Variants in SORCS3 observed in about 807,000 individuals in gnomAD.
The protein encoded by SORCS3 is sortilin related VPS10 domain containing receptor 3.
In SORCS3, 57 loss-of-function variants were observed where a neutral mutation model predicts 146.3. The ratio of observed to expected loss-of-function variants is 0.39; its 90% CI spans 0.31 to 0.49. SORCS3 has a LOEUF of 0.49. Ranked by LOEUF, SORCS3 falls within the 20% of genes least tolerant of loss-of-function variation. The pLI is 0.92. For missense variants in SORCS3, 1,341 were observed against 1,575.5 expected (o/e 0.85, Z 2.52); for synonymous variants, 653 against 618.5 (o/e 1.06, Z -0.83).
At chr10:104,806,483 G>A (rs1178455006) in intron 1 of SORCS3, among the ~76,000 whole-genome samples, 1 of 152,224 alleles carries the variant, frequency 6.6e-6, no homozygotes, top group Non-Finnish European at 1.5e-5. Flanking sequence ...AACGTTGCAA[G>A]ATGTACCCAA....
chr10:104,758,309 C>A (rs1194390658), intron 1 of SORCS3, among the ~76,000 whole-genome samples: 2 of 152,140 alleles, frequency 1.3e-5, no homozygotes, highest in Non-Finnish European at 1.5e-5. Flanking sequence ...CAGATTCATT[C>A]CTGGACTTTA....
intron 4 of SORCS3, among the ~76,000 whole-genome samples, chr10:105,025,782 A>G (rs973419518): frequency 1.3e-5 from 2 of 151,404 alleles, no homozygotes; most frequent in Non-Finnish European, 2.9e-5. Flanking sequence ...TAGACAATTT[A>G]TAAGTATTGG....
chr10:104,846,294 C>T (rs371676956), intron 2 of SORCS3, among the ~76,000 whole-genome samples: 1 of 152,138 alleles, frequency 6.6e-6, no homozygotes, highest in Admixed American at 6.5e-5. Context: ...CTGTATCTCC[C>T]GTTCTCTTTT....
At chr10:105,084,166 T>C (rs1311276934) in intron 5 of SORCS3, among the ~76,000 whole-genome samples, 1 of 152,204 alleles carries the variant, frequency 6.6e-6, no homozygotes, top group Non-Finnish European at 1.5e-5. Context: ...TAACACATAG[T>C]GTACTCTCAA....
intron 4 of SORCS3, among the ~76,000 whole-genome samples, chr10:104,990,834 C>G (rs983243925): frequency 6.6e-5 from 10 of 152,132 alleles, no homozygotes; most frequent in African/African-American, 2.2e-4. Context: ...CCCCTGGAGC[C>G]TCCAGAAGGA....
intron 1 of SORCS3, among the ~76,000 whole-genome samples, chr10:104,764,605 C>T (rs964117024): frequency 2.0e-5 from 3 of 152,156 alleles, no homozygotes; most frequent in African/African-American, 7.2e-5. Flanking sequence ...ATTTGTAAAT[C>T]ATAAAGTATT....
intron 2 of SORCS3, among the ~76,000 whole-genome samples, chr10:104,909,882 G>T (rs1446875941): frequency 6.6e-6 from 1 of 151,498 alleles, no homozygotes; most frequent in Non-Finnish European, 1.5e-5. Context: ...TTGCTGGGTA[G>T]GTAAAAAGCA....
intron 8 of SORCS3, among the ~76,000 whole-genome samples, chr10:105,146,854 A>G (rs1017415071): frequency 1.2e-4 from 19 of 152,132 alleles, no homozygotes; most frequent in African/African-American, 4.1e-4. Context: ...ATAGTCCCCA[A>G]AGAAATCCAA....
chr10:104,833,615 G>A (rs920046383), intron 1 of SORCS3, among the ~76,000 whole-genome samples: 1 of 152,080 alleles, frequency 6.6e-6, no homozygotes, highest in Non-Finnish European at 1.5e-5. Flanking sequence ...AATTTCGAGA[G>A]GTCCAAACAA....
At chr10:104,803,142 G>A (rs1267915539) in intron 1 of SORCS3, among the ~76,000 whole-genome samples, 1 of 152,144 alleles carries the variant, frequency 6.6e-6, no homozygotes, top group Non-Finnish European at 1.5e-5. Flanking sequence ...AATTGCATGT[G>A]TCACTTTCAC....
At chr10:104,871,057 A>G (rs577771060) in intron 2 of SORCS3, among the ~76,000 whole-genome samples, 2 of 152,310 alleles carry the variant, frequency 1.3e-5, no homozygotes, top group Admixed American at 6.5e-5. Context: ...GCTTCAGGAT[A>G]CGAGTAGTTG....
intron 4 of SORCS3, among the ~76,000 whole-genome samples, chr10:104,978,530 CA>C (rs2054915399): frequency 6.6e-6 from 1 of 152,168 alleles, no homozygotes; most frequent in Non-Finnish European, 1.5e-5. Flanking sequence ...TATCTCTAGC[CA>C]TTTAATTGCA....
intron 8 of SORCS3, among the ~76,000 whole-genome samples, chr10:105,142,264 G>A (rs1342504331): frequency 6.6e-6 from 1 of 152,128 alleles, no homozygotes; most frequent in East Asian, 1.9e-4. Flanking sequence ...CTTTGCCTGA[G>A]CCTTGTGCTC....
chr10:104,731,190 G>T (rs776454095), intron 1 of SORCS3, among the ~76,000 whole-genome samples: 2 of 152,192 alleles, frequency 1.3e-5, no homozygotes, highest in African/African-American at 2.4e-5. Context: ...CTTCTTGTGA[G>T]GACCCTGGAG....
At chr10:104,658,886 T>A (rs2015666637) in intron 1 of SORCS3, among the ~76,000 whole-genome samples, 1 of 152,040 alleles carries the variant, frequency 6.6e-6, no homozygotes, top group Non-Finnish European at 1.5e-5. Flanking sequence ...TTTTTTTGGT[T>A]GTGACTAAAC....
chr10:105,157,096 G>A, intron 9 of SORCS3, 42 bp from the exon 10 acceptor site: 1 of 1,605,382 alleles, frequency 6.2e-7, no homozygotes, highest in Non-Finnish European at 8.5e-7. Flanking sequence ...CCAAAGGCAT[G>A]TTGGCCCAGC....
At chr10:104,795,001 C>A (rs2017537557) in intron 1 of SORCS3, among the ~76,000 whole-genome samples, 1 of 152,076 alleles carries the variant, frequency 6.6e-6, no homozygotes. Flanking sequence ...GTATATCAGA[C>A]CCAGTTTCCC....
At chr10:105,006,754 A>G (rs2055098769) in intron 4 of SORCS3, among the ~76,000 whole-genome samples, 1 of 152,062 alleles carries the variant, frequency 6.6e-6, no homozygotes, top group African/African-American at 2.4e-5. Context: ...TCAAGTTCTC[A>G]CTCCAGGTTT....
chr10:105,031,353 AC>A (rs1376757929), intron 4 of SORCS3, among the ~76,000 whole-genome samples: 1 of 151,420 alleles, frequency 6.6e-6, no homozygotes, highest in Non-Finnish European at 1.5e-5. Context: ...ACACACACAC[AC>A]ACACACACAA....
Sources: allele counts gnomAD v4.1 joint callset (sites outside exome capture counted in the v4.1 genomes callset), GRCh38; gene constraint gnomAD v4.1.1; transcripts MANE v1.5; gene names NCBI Gene and HGNC (gene_info 2026-07-23, HGNC 2026-07-21).